VPS50: variants seen among roughly 807,000 people sequenced by gnomAD.
VPS50 encodes VPS50 subunit of EARP/GARPII complex.
Under a neutral mutation model 139.7 loss-of-function variants are expected in VPS50, and 70 were observed. The ratio of observed to expected loss-of-function variants is 0.50; its 90% confidence interval spans 0.41 to 0.61. VPS50 has a LOEUF of 0.61. VPS50 is among the 20% of genes least tolerant of loss of function. The pLI, the probability that VPS50 is intolerant of heterozygous loss-of-function variation, is 0.00. For missense variants in VPS50, 921 were observed against 1,133.7 expected, an observed-to-expected ratio of 0.81 and a Z score of 2.69; for synonymous variants, 365 against 376.7, an observed-to-expected ratio of 0.97 and a Z score of 0.36.
intron 2 of VPS50, among the ~76,000 whole-genome samples, chr7:93,245,662 A>C (rs978242934): frequency 1.8e-4 from 27 of 151,960 alleles, no homozygotes; most frequent in Middle Eastern, 3.4e-3. Context: ...ATGTTCTATA[A>C]ATCATTTTGC....
intron 22 of VPS50, among the ~76,000 whole-genome samples, chr7:93,338,032 T>C (rs1213625623): frequency 1.3e-5 from 2 of 152,134 alleles, no homozygotes; most frequent in Non-Finnish European, 2.9e-5. Context: ...CTTCTACCAG[T>C]TCCTTTATTC....
intron 11 of VPS50, among the ~76,000 whole-genome samples, chr7:93,274,892 C>T (rs1796109129): frequency 6.6e-6 from 1 of 152,078 alleles, no homozygotes; most frequent in African/African-American, 2.4e-5. Flanking sequence ...TTCTAGGTGC[C>T]ATTAAGAACA....
At chr7:93,301,297 GAA>G (rs759682829) in intron 16 of VPS50, among the ~76,000 whole-genome samples, 15 of 123,772 alleles carry the variant, frequency 1.2e-4, no homozygotes, top group Non-Finnish European at 1.2e-4. Flanking sequence ...ACTCTGTCTT[GAA>G]AAAAAAAAAA....
intron 2 of VPS50, among the ~76,000 whole-genome samples, chr7:93,251,475 T>G: frequency 7.9e-6 from 1 of 127,014 alleles, no homozygotes; most frequent in African/African-American, 3.1e-5. Flanking sequence ...AGTTGAACAA[T>G]GAGAACACAT....
rs767399519 is a variant in VPS50 at position 93,349,900 on chromosome 7, G to A, written c.2330G>A (p.Arg777Gln). 3.2e-5 allele frequency: 51 copies of A among 1,612,730 alleles called. No homozygotes were observed. Among genetic ancestry groups the A allele is most frequent in the African/African-American group, 4.0e-5 (3 of 74,868 alleles). ...ACAGTCTCAACCGCCAGTGAACTAC[G>A]GAAACCAATTTACTGGATTGTAGCT... Reference protein sequence around the residue: ...SQTVSTASELRKPIYWIVAGK... With the variant: ...SQTVSTASELQKPIYWIVAGK... Residue 777 changes from arginine to glutamine, a missense_variant, in exon 25 of 28, where the codon CGG (arginine) becomes CAG (glutamine). Arg to Gln is a conservative substitution (Grantham distance 43). Around this residue, in one of 3 missense-constraint regions of VPS50, gnomAD observed 744 missense variants for 930.6 expected, o/e 0.80. Coordinates refer to ENST00000305866, the MANE Select transcript of VPS50 (RefSeq NM_017667.4).
At chr7:93,246,211 A>G (rs972590100) in intron 2 of VPS50, 29 of 922,382 alleles carry the variant, frequency 3.1e-5, no homozygotes, top group Non-Finnish European at 2.3e-5. Flanking sequence ...AGTAAAAAAA[A>G]GTCTTTGATC....
intron 1 of VPS50, among the ~76,000 whole-genome samples, chr7:93,237,167 A>ATCTCC (rs1380852451): frequency 2.3e-4 from 35 of 150,856 alleles, no homozygotes; most frequent in Non-Finnish European, 3.8e-4. Context: ...TGTGTTAGCC[A>ATCTCC]GGATAGTCTC....
At chr7:93,296,640 T>C in intron 14 of VPS50, 102 bp from the exon 15 acceptor site, 1 of 1,497,568 alleles carries the variant, frequency 6.7e-7, no homozygotes, top group Non-Finnish European at 8.8e-7. Context: ...ATTAGGAATA[T>C]ATTCCTGTCT....
chr7:93,329,104 A>C (rs1797864144), intron 21 of VPS50, among the ~76,000 whole-genome samples: 1 of 152,208 alleles, frequency 6.6e-6, no homozygotes, highest in South Asian at 2.1e-4. Context: ...TAACAGACAC[A>C]GCACCAAATC....
chr7:93,355,123 A>ATTTT (rs1562903407), intron 26 of VPS50, among the ~76,000 whole-genome samples: 6 of 148,668 alleles, frequency 4.0e-5, no homozygotes, highest in East Asian at 2.1e-4. Context: ...CTTTTTTAAA[A>ATTTT]AAAAAAAAAA....
intron 16 of VPS50, 63 bp downstream of exon 16, chr7:93,297,306 C>T (rs550016081): frequency 4.4e-6 from 6 of 1,376,336 alleles, no homozygotes; most frequent in Non-Finnish European, 5.7e-6. Context: ...TTGTCTAATA[C>T]TTAATCTTAT....
At chr7:93,337,410 T>C (rs1340798242) in intron 22 of VPS50, among the ~76,000 whole-genome samples, 2 of 152,214 alleles carry the variant, frequency 1.3e-5, no homozygotes, top group African/African-American at 4.8e-5. Context: ...TCTCAGACTA[T>C]AGATATACCC....
chr7:93,293,181 T>C lies in VPS50; in HGVS notation c.1075+1346T>C, dbSNP rs1302555824. On this transcript the variant is annotated intron_variant, in intron 13 of 27. Transcript: ENST00000305866. ...AGGTACTTATATTGGTGGTGGTTAATATGATGAAATGAAATGGATCAAGAG... is the reference window on the plus strand; with the variant it reads ...AGGTACTTATATTGGTGGTGGTTAACATGATGAAATGAAATGGATCAAGAG... Among the ~76,000 whole-genome samples, 7 of 152,294 alleles carry C rather than the reference T, an allele frequency of 4.6e-5. No homozygotes were observed. The East Asian group carries it at 1.3e-3, about 29-fold the overall frequency.
intron 21 of VPS50, 153 bp from the exon 22 acceptor site, chr7:93,333,964 T>G (rs1798004813): frequency 1.6e-6 from 1 of 606,750 alleles, no homozygotes; most frequent in South Asian, 1.9e-5. Context: ...TTGACTCCTT[T>G]GTTTGATGTG....
Position 93,277,867 on chromosome 7 carries a change from T to C in VPS50, c.942+1562T>C, listed in dbSNP as rs145887246. 2.2e-3 allele frequency among the ~76,000 whole-genome samples: 329 copies of C among 152,208 alleles called. 1 individual carries two copies. The highest frequency in any genetic ancestry group is 7.5e-3 in the African/African-American group (310 of 41,560). Reference sequence around the variant, plus strand: ...CATATATGTTCTTACTTTGATAGTATATATTATAAAATTACCCAATCACCT... The same window carrying C: ...CATATATGTTCTTACTTTGATAGTACATATTATAAAATTACCCAATCACCT... On this transcript the variant is annotated intron_variant, in intron 12 of 27. Coordinates refer to ENST00000305866, the MANE Select transcript of VPS50 (RefSeq NM_017667.4).
At chr7:93,295,420 A>G (rs1036852818) in intron 14 of VPS50, 1 of 152,228 alleles carries the variant, frequency 6.6e-6, no homozygotes, top group Non-Finnish European at 1.5e-5. Flanking sequence ...CTAATATATT[A>G]TCACCTTGGA....
chr7:93,303,191 C>T (rs764762780), intron 16 of VPS50, among the ~76,000 whole-genome samples: 6 of 151,864 alleles, frequency 4.0e-5, no homozygotes, highest in African/African-American at 7.2e-5. Context: ...TCTAATAAAA[C>T]TGTCATTTCC....
intron 25 of VPS50, among the ~76,000 whole-genome samples, chr7:93,352,552 T>C (rs1798590407): frequency 6.6e-6 from 1 of 152,182 alleles, no homozygotes; most frequent in African/African-American, 2.4e-5. Flanking sequence ...TTAAACATTG[T>C]GTAGCTTCTC....
chr7:93,323,560 A>G, intron 20 of VPS50, 51 bp from the exon 21 acceptor site: 1 of 727,190 alleles, frequency 1.4e-6, no homozygotes, highest in South Asian at 3.7e-5. Context: ...ATTATAGACT[A>G]ACAGATTTTA....
Sources: allele counts gnomAD v4.1 joint callset (sites outside exome capture counted in the v4.1 genomes callset), GRCh38; gene constraint gnomAD v4.1.1; regional missense constraint gnomAD v4.1.1; transcripts MANE v1.5; gene names NCBI Gene and HGNC (gene_info 2026-07-23, HGNC 2026-07-21).